The following C16orf96 variants were observed in gnomAD, a reference collection of about 807,000 sequenced individuals.
C16orf96 encodes chromosome 16 open reading frame 96.
C16orf96 carries 108 observed loss-of-function variants against 103.6 expected under a neutral mutation model. That is an observed-to-expected ratio of 1.04 (90% CI 0.89 to 1.22). C16orf96 has a LOEUF of 1.22. C16orf96 is among the 50% of genes most tolerant of loss of function. The pLI is 0.00. For missense variants in C16orf96, 1,586 were observed against 1,464.2 expected (o/e 1.08, Z -1.36); for synonymous variants, 566 against 593.5 (o/e 0.95, Z 0.67).
At chr16:4,596,498 A>AC (rs1645266280) in intron 14 of C16orf96, among the ~76,000 whole-genome samples, 1 of 151,382 alleles carries the variant, frequency 6.6e-6, no homozygotes, top group African/African-American at 2.4e-5. Context: ...AAAAAAAAAA[A>AC]AAAACAGCTG....
chr16:4,547,664 CCTTCCTTG>C, the C16orf96 span, among the ~76,000 whole-genome samples: 5 of 103,152 alleles, frequency 4.8e-5, no homozygotes, highest in African/African-American at 1.5e-4. Flanking sequence ...TTCCTTCCTT[CCTTCCTTG>C]CTTCCTTCCT....
At chr16:4,544,654 C>G in the C16orf96 span, among the ~76,000 whole-genome samples, 1 of 152,062 alleles carries the variant, frequency 6.6e-6, no homozygotes, top group Admixed American at 6.6e-5. Flanking sequence ...TGAGGGTAAA[C>G]CTAATAGCAA....
the C16orf96 span, among the ~76,000 whole-genome samples, chr16:4,539,393 A>G: frequency 6.6e-6 from 1 of 152,212 alleles, no homozygotes; most frequent in Non-Finnish European, 1.5e-5. Context: ...ATTAGACATT[A>G]TAGTTTAGGG....
Position 4,556,506 on chromosome 16 carries a change from C to G in C16orf96, c.17C>G (p.Thr6Arg), listed in dbSNP as rs200092715. The change falls in exon 1 of 16, where the codon ACG (threonine) becomes AGG (arginine). Residue 6 changes from threonine (T) to arginine (R), a missense_variant. By Grantham distance (71) the Thr-to-Arg change is moderately conservative. Transcript: ENST00000444310. MSFSL[T>R]FTELANIAIP... Reference sequence around the variant, plus strand: ...CCTGGCAGGATGAGCTTCTCACTCACGTTCACCGAGCTGGCCAACATCGCC... The same window carrying G: ...CCTGGCAGGATGAGCTTCTCACTCAGGTTCACCGAGCTGGCCAACATCGCC... 2 of 1,531,604 alleles carry G rather than the reference C, an allele frequency of 1.3e-6. No homozygotes were observed. Among genetic ancestry groups the G allele is most frequent in the South Asian group, 2.4e-5 (2 of 82,676 alleles). 94.9% of individuals were successfully genotyped at this position (1,531,604 alleles called of 1,614,324 possible).
Position 4,588,173 on chromosome 16 carries a change from G to A in C16orf96, c.2434G>A (p.Asp812Asn). 6.4e-7 allele frequency: 1 copy of A among 1,551,096 alleles called. No individual in the cohort carries two copies. The highest frequency in any genetic ancestry group is 1.2e-5 in the South Asian group (1 of 84,014). Residue 812 changes from aspartate to asparagine, a missense_variant, in exon 9 of 16, where the codon GAC (aspartate) becomes AAC (asparagine). By Grantham distance (23) the Asp-to-Asn change is conservative. Coordinates refer to ENST00000444310, the MANE Select transcript of C16orf96 (RefSeq NM_001145011.2). ...TMEEELREKA[D>N]RSALAGKASR... ...GAACTCCCTGTCTCCCTAGAAAGCT[G>A]ACAGGAGTGCCCTGGCAGGCAAGGC...
chr16:4,575,606 C>A lies in C16orf96; in HGVS notation c.1126C>A (p.Pro376Thr), dbSNP rs757052119. 2 of 1,512,284 alleles carry A rather than the reference C, an allele frequency of 1.3e-6. No individual in the cohort carries two copies. Among genetic ancestry groups the A allele is most frequent in the Non-Finnish European group, 8.8e-7 (1 of 1,130,066 alleles). The allele number at this position is 1,512,284 out of a possible 1,614,324, so 93.7% of individuals were successfully genotyped here. ...PWPVLGPVPA[P>T]GAQPPPLGDW... Reference sequence around the variant, plus strand: ...GCCTGTGCTTGGACCTGTGCCTGCCCCAGGTGCCCAGCCTCCACCACTGGG... The same window carrying A: ...GCCTGTGCTTGGACCTGTGCCTGCCACAGGTGCCCAGCCTCCACCACTGGG... Residue 376 changes from proline to threonine, a missense_variant, in exon 5 of 16, where the codon CCA becomes ACA. Pro to Thr is a conservative substitution (Grantham distance 38, BLOSUM62 -1). Coordinates refer to ENST00000444310, the MANE Select transcript of C16orf96 (RefSeq NM_001145011.2).
chr16:4,589,842 G>A (rs542641616), intron 9 of C16orf96, among the ~76,000 whole-genome samples: 94 of 152,048 alleles, frequency 6.2e-4, no homozygotes, highest in Non-Finnish European at 1.1e-3. Flanking sequence ...ATACTCCATC[G>A]GCTAGGCACG....
chr16:4,587,189 A>G (rs1354543486), intron 8 of C16orf96, 76 bp downstream of exon 8: 28 of 1,348,386 alleles, frequency 2.1e-5, no homozygotes, highest in Non-Finnish European at 5.2e-6. Context: ...AAAGCCCACC[A>G]AAGAGTCTTC....
intron 15 of C16orf96, among the ~76,000 whole-genome samples, chr16:4,599,704 A>G (rs1049319021): frequency 3.7e-4 from 56 of 152,150 alleles, no homozygotes; most frequent in Non-Finnish European, 7.4e-5. Context: ...CCCTTATCTC[A>G]TCAGAACCTC....
intron 7 of C16orf96, among the ~76,000 whole-genome samples, chr16:4,580,572 T>C (rs931378691): frequency 6.6e-6 from 1 of 152,086 alleles, no homozygotes; most frequent in African/African-American, 2.4e-5. Flanking sequence ...TTAGGCTGGG[T>C]GCGGTGGCTC....
intron 6 of C16orf96, among the ~76,000 whole-genome samples, chr16:4,579,306 G>A (rs1024872884): frequency 2.6e-5 from 4 of 152,008 alleles, no homozygotes; most frequent in East Asian, 1.9e-4. Flanking sequence ...TAATCCCAAC[G>A]CTTTACAAGG....
Position 4,576,400 on chromosome 16 carries a change from T to C in C16orf96, c.1920T>C (p.Asp640=). ...CCACAGAATCCCAGATCTTGGGCGA[T>C]GATTCCGAAATCTACGAAATCCTCT... The part of the protein sequence containing the change: ...RGATESQILG[D]DSEIYEILSP... Residue 640 remains aspartate, a synonymous_variant, in exon 5 of 16, where the codon GAT becomes GAC. Transcript: ENST00000444310. The C allele has an allele frequency of 6.4e-7, 1 of 1,551,116 alleles. No homozygotes were observed. The highest frequency in any genetic ancestry group is 1.4e-5 in the African/African-American group (1 of 73,180).
intron 1 of C16orf96, among the ~76,000 whole-genome samples, chr16:4,558,863 C>T (rs1019882722): frequency 6.9e-6 from 1 of 143,936 alleles, no homozygotes; most frequent in African/African-American, 2.6e-5. Flanking sequence ...TGCAGTGAGC[C>T]GAGATCGCAC....
chr16:4,578,905 G>C (rs748170340), intron 5 of C16orf96, 35 bp from the exon 6 acceptor site: 1 of 1,516,618 alleles, frequency 6.6e-7, no homozygotes, highest in East Asian at 2.5e-5. Context: ...TCCTCCATCC[G>C]AGCCCTCAGC....
chr16:4,571,236 T>A (rs1489841891), intron 1 of C16orf96, among the ~76,000 whole-genome samples: 2 of 152,116 alleles, frequency 1.3e-5, no homozygotes, highest in Non-Finnish European at 2.9e-5. Flanking sequence ...GATCCTCCAG[T>A]GGCTCCTACC....
chr16:4,588,022 C>T (rs547307163), intron 8 of C16orf96, 145 bp from the exon 9 acceptor site: 43 of 682,582 alleles, frequency 6.3e-5, no homozygotes, highest in African/African-American at 5.1e-4. Flanking sequence ...TTTGAATCCA[C>T]GTAGACCCCA....
intron 13 of C16orf96, 40 bp downstream of exon 13, chr16:4,594,550 C>G: frequency 6.5e-7 from 1 of 1,544,418 alleles, no homozygotes; most frequent in Non-Finnish European, 8.8e-7. Flanking sequence ...GGGTGGACGT[C>G]AGCGCACCCC....
Position 4,575,636 on chromosome 16 carries a change from T to C in C16orf96, c.1156T>C (p.Trp386Arg). ...PGAQPPPLGD[W>R]PALPRRWPLP... ...TGCCCAGCCTCCACCACTGGGAGAC[T>C]GGCCTGCACTCCCAAGACGCTGGCC... is the stretch of plus-strand genomic sequence containing the variant. Residue 386 changes from tryptophan (W) to arginine (R), a missense_variant, in exon 5 of 16, where the codon TGG (tryptophan) becomes CGG (arginine). Physicochemically the swap from Trp to Arg is moderately radical, Grantham distance 101. Transcript: ENST00000444310. The C allele has an allele frequency of 6.5e-7, 1 of 1,529,468 alleles. No individual in the cohort carries two copies. Among genetic ancestry groups the C allele is most frequent in the Non-Finnish European group, 8.8e-7 (1 of 1,137,208 alleles). 94.7% of individuals were successfully genotyped at this position (1,529,468 alleles called of 1,614,324 possible).
At position 4,575,833 on chromosome 16, in the gene C16orf96, C is replaced by T. The variant is rs774710898; in HGVS notation, c.1353C>T (p.Leu451=). ...YQSRQGEALQ[L]AAVQVKGEEN... is the part of the protein sequence containing the mutation. ...CTCGCCAGGGAGAAGCCCTCCAGCT[C>T]GCAGCTGTCCAAGTAAAGGGGGAGG... Residue 451 remains leucine (L), a synonymous_variant, in exon 5 of 16, where the codon CTC becomes CTT. Transcript: ENST00000444310. The T allele has an allele frequency of 3.0e-5, 47 of 1,551,198 alleles. No individual in the cohort carries two copies. Among genetic ancestry groups the T allele is most frequent in the Admixed American group, 7.8e-5 (4 of 50,998 alleles).
Sources: allele counts gnomAD v4.1 joint callset (sites outside exome capture counted in the v4.1 genomes callset), GRCh38; gene constraint gnomAD v4.1.1; transcripts MANE v1.5; gene names NCBI Gene and HGNC (gene_info 2026-07-23, HGNC 2026-07-21).